Variants in WDR6 observed in about 807,000 individuals in gnomAD.
WDR6 encodes tRNA (34-2'-O)-methyltransferase regulator WDR6.
WDR6 carries 58 observed loss-of-function variants against 85.6 expected under a neutral mutation model. That is an observed-to-expected ratio of 0.68 (90% confidence interval 0.55 to 0.84). The LOEUF is 0.84. Among genes scored for constraint, WDR6 ranks in the 40% least tolerant of loss-of-function variants. The pLI is 0.00. For missense variants in WDR6, 1,310 were observed against 1,476.4 expected (o/e 0.89, Z 1.85); for synonymous variants, 569 against 582.2 (o/e 0.98, Z 0.33).
chr3:49,011,315 G>A, intron 1 of WDR6: 1 of 599,268 alleles, frequency 1.7e-6, no homozygotes, highest in South Asian at 1.9e-5. Context: ...CTGACCTCAG[G>A]TGATTCATCC....
chr3:49,013,400 G>A lies in WDR6; in HGVS notation c.1866G>A (p.Val622=). Residue 622 remains valine, a synonymous_variant, in exon 2 of 6, where the codon GTG becomes GTA. Transcript: ENST00000608424. This position sits in a 1 kb window ranked among gnomAD's most constrained non-coding sequence, Gnocchi z 4.6. ...ACTGGCTAGCTGGGCTCCGTATAGT[G>A]CCCGATGGGAGCATGGTTATCCTGG... The part of the protein sequence containing the change: ...GMNWLAGLRI[V]PDGSMVILGF... 2 of 1,614,182 alleles carry A rather than the reference G, an allele frequency of 1.2e-6. No individual in the cohort carries two copies. Among genetic ancestry groups the A allele is most frequent in the Non-Finnish European group, 1.7e-6 (2 of 1,180,024 alleles).
At chr3:49,008,978 T>G (rs1158028908) in intron 1 of WDR6, 1 of 153,744 alleles carries the variant, frequency 6.5e-6, no homozygotes, top group Non-Finnish European at 1.5e-5. Context: ...GCCTCCCAGG[T>G]TCAAGTGATT....
In WDR6 at chr3:49,014,626, C is replaced by T. The variant is rs1385522561; in HGVS notation, c.2810C>T (p.Thr937Ile). The change falls in exon 5 of 6, where the codon ACT becomes ATT. Residue 937 changes from threonine (T) to isoleucine (I), a missense_variant. Thr to Ile is a moderately conservative substitution (Grantham distance 89). Transcript: ENST00000608424. The surrounding 1 kb of genome is among the most constrained non-coding windows in gnomAD (Gnocchi z 4.9). Reference protein sequence around the residue: ...RRRLLLCSAATDGSLAFWDLT... With the variant: ...RRRLLLCSAAIDGSLAFWDLT... ...AGGCTCCTCCTGTGCAGCGCAGCTACTGATGGCAGCCTGGCTTTCTGGGAT... is the reference window on the plus strand; with the variant it reads ...AGGCTCCTCCTGTGCAGCGCAGCTATTGATGGCAGCCTGGCTTTCTGGGAT... 1 of 1,613,622 alleles carries T rather than the reference C, an allele frequency of 6.2e-7. No homozygotes were observed. Among genetic ancestry groups the T allele is most frequent in the African/African-American group, 1.3e-5 (1 of 74,914 alleles).
Position 49,013,329 on chromosome 3 carries a change from G to A in WDR6, c.1795G>A (p.Gly599Ser), listed in dbSNP as rs367957766. ...CTACTACCAGCTGTTTGTACGAGAC[G>A]GCCAGCTCCAGCCAGTCCTAAGGCA... ...GAYYQLFVRD[G>S]QLQPVLRQKS... is the part of the protein sequence containing the mutation. Residue 599 changes from glycine to serine, a missense_variant, in exon 2 of 6, where the codon GGC becomes AGC. By Grantham distance (56) the Gly-to-Ser change is moderately conservative. Coordinates refer to ENST00000608424, the MANE Select transcript of WDR6 (RefSeq NM_018031.6). This position sits in a 1 kb window ranked among gnomAD's most constrained non-coding sequence, Gnocchi z 4.6. 3.5e-5 allele frequency: 56 copies of A among 1,614,148 alleles called. No individual in the cohort carries two copies. The highest frequency in any genetic ancestry group is 1.6e-4 in the South Asian group (15 of 91,088).
At position 49,015,909 on chromosome 3, in the gene WDR6, G is replaced by A; in HGVS notation, c.*621G>A. 1 of 1,614,190 alleles carries A rather than the reference G, an allele frequency of 6.2e-7. No individual in the cohort carries two copies. Among genetic ancestry groups the A allele is most frequent in the Non-Finnish European group, 8.5e-7 (1 of 1,180,034 alleles). On this transcript the variant is annotated 3_prime_UTR_variant, in exon 6 of 6. Coordinates refer to ENST00000608424, the MANE Select transcript of WDR6 (RefSeq NM_018031.6). The stretch of plus-strand genomic sequence containing the variant: ...GACTGAGTCACTGGCCCATCTCTTT[G>A]CTCTTGTGCCCCAGGCCAGAATAAA...
chr3:49,015,539 C>T lies in WDR6; in HGVS notation c.*251C>T. ...TTGGCCGTGGGTTTTTGCTTTTTTTCCAGTTGATGACTTTGTGAACATTCC... is the reference window on the plus strand; with the variant it reads ...TTGGCCGTGGGTTTTTGCTTTTTTTTCAGTTGATGACTTTGTGAACATTCC... On this transcript the variant is annotated 3_prime_UTR_variant, in exon 6 of 6. Transcript: ENST00000608424. 6.3e-7 allele frequency: 1 copy of T among 1,595,596 alleles called. No homozygotes were observed. Among genetic ancestry groups the T allele is most frequent in the Admixed American group, 1.8e-5 (1 of 55,844 alleles).
intron 1 of WDR6, 193 bp from the exon 2 acceptor site, chr3:49,011,442 A>G (rs2093014182): frequency 6.4e-7 from 1 of 1,553,804 alleles, no homozygotes; most frequent in African/African-American, 1.4e-5. Context: ...GGCTTTCCAA[A>G]GTGCCCAGAT....
chr3:49,015,887 T>C lies in WDR6; in HGVS notation c.*599T>C. ...AACTTGCATATCTAGAGACAGAGAC[T>C]GAGTCACTGGCCCATCTCTTTGCTC... On this transcript the variant is annotated 3_prime_UTR_variant, in exon 6 of 6. Coordinates refer to ENST00000608424, the MANE Select transcript of WDR6 (RefSeq NM_018031.6). 6.2e-7 allele frequency: 1 copy of C among 1,614,206 alleles called. No individual in the cohort carries two copies. Among genetic ancestry groups the C allele is most frequent in the South Asian group, 1.1e-5 (1 of 91,084 alleles).
At chr3:49,011,525 T>G (rs760530099) in intron 1 of WDR6, 110 bp from the exon 2 acceptor site, 1 of 1,612,362 alleles carries the variant, frequency 6.2e-7, no homozygotes. Context: ...TTGTGTGTCC[T>G]GATGCATTCA....
chr3:49,012,769 A>T lies in WDR6; in HGVS notation c.1235A>T (p.Asn412Ile). Reference protein sequence around the residue: ...PEGFGLCAMANGEGRVKVVPI... With the variant: ...PEGFGLCAMAIGEGRVKVVPI... ...GGCTTCGGATTGTGTGCTATGGCCA[A>T]TGGGGAAGGTCGTGTCAAGGTTGTC... The change falls in exon 2 of 6, where the codon AAT becomes ATT. Residue 412 changes from asparagine (N) to isoleucine (I), a missense_variant. By Grantham distance (149) the Asn-to-Ile change is moderately radical. Transcript: ENST00000608424. This position sits in a 1 kb window ranked among gnomAD's most constrained non-coding sequence, Gnocchi z 4.4. 2 of 1,613,904 alleles carry T rather than the reference A, an allele frequency of 1.2e-6. No homozygotes were observed. Among genetic ancestry groups the T allele is most frequent in the Non-Finnish European group, 1.7e-6 (2 of 1,179,986 alleles).
At position 49,014,057 on chromosome 3, in the gene WDR6, T is replaced by C. The variant is rs146193023; in HGVS notation, c.2523T>C (p.Asp841=). The C allele has an allele frequency of 4.6e-4, 736 of 1,613,002 alleles. No homozygotes were observed. The highest frequency in any genetic ancestry group is 5.8e-4 in the Non-Finnish European group (690 of 1,180,000). ...TGCACCTTTCGTCCCACCGGCTAGA[T>C]GAGTATTGGGACCGGCAACGCAATC... ...HVMHLSSHRL[D]EYWDRQRNRH... is the part of the protein sequence containing the mutation. The change falls in exon 2 of 6, where the codon GAT becomes GAC. Residue 841 remains aspartate (D), a synonymous_variant. Transcript: ENST00000608424. This position sits in a 1 kb window ranked among gnomAD's most constrained non-coding sequence, Gnocchi z 4.9.
intron 1 of WDR6, chr3:49,008,051 T>A (rs2092994072): frequency 6.6e-6 from 1 of 152,622 alleles, no homozygotes; most frequent in Admixed American, 6.5e-5. Context: ...GGGATGAGTC[T>A]CTTCCCCCTA....
chr3:49,009,250 A>G (rs1211193056), intron 1 of WDR6, among the ~76,000 whole-genome samples: 1 of 149,868 alleles, frequency 6.7e-6, no homozygotes, highest in Non-Finnish European at 1.5e-5. Flanking sequence ...TGCCCATCTC[A>G]GGGCAATCAT....
rs1377867806 is a variant in WDR6, at chr3:49,012,965, T to C, written c.1431T>C (p.Phe477=). 1 of 1,613,946 alleles carries C rather than the reference T, an allele frequency of 6.2e-7. No individual in the cohort carries two copies. The highest frequency in any genetic ancestry group is 8.5e-7 in the Non-Finnish European group (1 of 1,179,986). Residue 477 remains phenylalanine, a synonymous_variant, in exon 2 of 6, where the codon TTT becomes TTC. Coordinates refer to ENST00000608424, the MANE Select transcript of WDR6 (RefSeq NM_018031.6). This position sits in a 1 kb window ranked among gnomAD's most constrained non-coding sequence, Gnocchi z 4.4. ...CCGCACCCTCTGGCAAGGCCATCTT[T>C]GTCAAGGAACGTTGTCGGTACCTGC... ...ISAAPSGKAI[F]VKERCRYLLP... is the part of the protein sequence containing the mutation.
At position 49,007,818 on chromosome 3, in the gene WDR6, C is replaced by CGCGGAG. The variant is rs968168479; in HGVS notation, c.100+302_100+307dup. Among the ~76,000 whole-genome samples the CGCGGAG allele has an allele frequency of 2.7e-5, 4 of 150,204 alleles. No homozygotes were observed. The highest frequency in any genetic ancestry group is 4.9e-5 in the African/African-American group (2 of 40,930). On this transcript the variant is annotated intron_variant, in intron 1 of 5. Coordinates refer to ENST00000608424, the MANE Select transcript of WDR6 (RefSeq NM_018031.6). This position sits in a 1 kb window ranked among gnomAD's most constrained non-coding sequence, Gnocchi z 5.1. ...GGGAGGGTGCAGGGGAACGCGGCCGCGCGGAGGCGGAGGCGGAGGCCCGGG... is the reference window on the plus strand; with the variant it reads ...GGGAGGGTGCAGGGGAACGCGGCCGCGCGGAGGCGGAGGCGGAGGCGGAGGCCCGGG...
rs759395115 is a variant in WDR6, at chr3:49,012,353, T to C, written c.819T>C (p.Ser273=). 6 of 1,614,200 alleles carry C rather than the reference T, an allele frequency of 3.7e-6. No individual in the cohort carries two copies. Among genetic ancestry groups the C allele is most frequent in the East Asian group, 4.5e-5 (2 of 44,888 alleles). The part of the protein sequence containing the change: ...QVKLLENYLI[S]AGEDCVCLVW... ...AGCTTCTAGAGAATTACCTTATCAG[T>C]GCAGGAGAGGATTGTGTCTGCTTGG... Residue 273 remains serine, a synonymous_variant, in exon 2 of 6, where the codon AGT becomes AGC. Coordinates refer to ENST00000608424, the MANE Select transcript of WDR6 (RefSeq NM_018031.6). The surrounding 1 kb of genome is among the most constrained non-coding windows in gnomAD (Gnocchi z 4.4).
At chr3:49,009,187 A>G (rs576340743) in intron 1 of WDR6, among the ~76,000 whole-genome samples, 5 of 151,812 alleles carry the variant, frequency 3.3e-5, no homozygotes, top group African/African-American at 1.2e-4. Context: ...CGGCCTCTCT[A>G]GCCTCTTCCT....
chr3:49,011,789 T>A lies in WDR6; in HGVS notation c.255T>A (p.Ala85=). Residue 85 remains alanine, a synonymous_variant, in exon 2 of 6, where the codon GCT becomes GCA. Coordinates refer to ENST00000608424, the MANE Select transcript of WDR6 (RefSeq NM_018031.6). ...NGDLDLEAMV[A]VFGSKGLRVV... ...ACCTTGACTTGGAGGCCATGGTGGC[T>A]GTGTTTGGAAGCAAGGGACTCCGAG... 2 of 1,614,218 alleles carry A rather than the reference T, an allele frequency of 1.2e-6. No homozygotes were observed. Among genetic ancestry groups the A allele is most frequent in the Non-Finnish European group, 1.7e-6 (2 of 1,180,038 alleles).
chr3:49,013,212 G>A lies in WDR6; in HGVS notation c.1678G>A (p.Val560Met). 1 of 1,613,938 alleles carries A rather than the reference G, an allele frequency of 6.2e-7. No individual in the cohort carries two copies. The highest frequency in any genetic ancestry group is 1.1e-5 in the South Asian group (1 of 91,090). The change falls in exon 2 of 6, where the codon GTG becomes ATG. Residue 560 changes from valine (V) to methionine (M), a missense_variant. Coordinates refer to ENST00000608424, the MANE Select transcript of WDR6 (RefSeq NM_018031.6). The surrounding 1 kb of genome is among the most constrained non-coding windows in gnomAD (Gnocchi z 4.6). ...GAATGCTTTCACTGGGTTGGGCCCA[G>A]TGTCTACCCTGCCCTCTCTGCACGG... ...GGNAFTGLGP[V>M]STLPSLHGKQ...
Sources: allele counts gnomAD v4.1 joint callset (sites outside exome capture counted in the v4.1 genomes callset), GRCh38; gene constraint gnomAD v4.1.1; non-coding constraint Gnocchi (gnomAD v3.1); transcripts MANE v1.5; gene names NCBI Gene and HGNC (gene_info 2026-07-23, HGNC 2026-07-21).